Variants in RRM2B observed in about 807,000 individuals in gnomAD.
The protein encoded by RRM2B is ribonucleotide reductase regulatory TP53 inducible subunit M2B, also known as ribonucleoside-diphosphate reductase subunit M2 B.
A neutral mutation model predicts 45.9 loss-of-function variants in RRM2B; 20 were observed. The observed-to-expected ratio is 0.44, with a 90% CI of 0.31 to 0.63. The LOEUF is 0.63. RRM2B is among the 30% of genes least tolerant of loss of function. The pLI is 0.09. For synonymous variants in RRM2B, 124 were observed against 132.3 expected (o/e 0.94, Z 0.43); for missense variants, 320 against 414.7 (o/e 0.77, Z 1.98).
Position 102,225,020 on chromosome 8 carries a change from TAAG to T in RRM2B, c.322-5_322-3del. On this transcript the variant is annotated splice_polypyrimidine_tract_variant and splice_region_variant and intron_variant, in intron 3 of 8. Coordinates refer to ENST00000251810, the MANE Select transcript of RRM2B (RefSeq NM_015713.5). ...CACCTCCTGACTAAAGCGCTCCACC[TAAG>T]AAGATAAGGAAAATAGATATATCCA... 1.2e-6 allele frequency: 2 copies of T among 1,613,916 alleles called. No homozygotes were observed. The highest frequency in any genetic ancestry group is 1.1e-5 in the South Asian group (1 of 91,072).
chr8:102,224,574 C>T (rs1279594271), intron 4 of RRM2B, among the ~76,000 whole-genome samples: 2 of 152,232 alleles, frequency 1.3e-5, no homozygotes, highest in African/African-American at 4.8e-5. Flanking sequence ...TTTTACATGT[C>T]CATAGAACAG....
intron 6 of RRM2B, among the ~76,000 whole-genome samples, chr8:102,218,296 G>C (rs905122520): frequency 6.6e-6 from 1 of 152,170 alleles, no homozygotes; most frequent in Non-Finnish European, 1.5e-5. Context: ...TATTAAGAAT[G>C]ACCAGGAGAC....
At chr8:102,222,009 AG>A (rs1285820724) in intron 5 of RRM2B, among the ~76,000 whole-genome samples, 1 of 152,046 alleles carries the variant, frequency 6.6e-6, no homozygotes, top group Non-Finnish European at 1.5e-5. Flanking sequence ...GATTCTTAAA[AG>A]TTTTTCCACA....
At chr8:102,224,167 A>G (rs1472351153) in intron 4 of RRM2B, 27 bp from the exon 5 acceptor site, 1 of 1,433,824 alleles carries the variant, frequency 7.0e-7, no homozygotes, top group East Asian at 2.3e-5. Context: ...ATGAACAGCA[A>G]AGTTATTCAC....
At position 102,224,988 on chromosome 8, in the gene RRM2B, G is replaced by A. The variant is rs1262428013; in HGVS notation, c.352C>T (p.Pro118Ser). The part of the protein sequence containing the change: ...VERFSQEVQV[P>S]EARCFYGFQI... ...AAGCCATAGAAACAGCGAGCCTCTG[G>A]AACCTGCACCTCCTGACTAAAGCGC... The change falls in exon 4 of 9, where the codon CCA becomes TCA. Residue 118 changes from proline (P) to serine (S), a missense_variant. By Grantham distance (74) the Pro-to-Ser change is moderately conservative. Around this residue, in one of 3 missense-constraint regions of RRM2B, gnomAD observed 225 missense variants for 289.4 expected, o/e 0.78. Transcript: ENST00000251810. The A allele has an allele frequency of 1.9e-6, 3 of 1,614,066 alleles. No homozygotes were observed. The East Asian group carries it at 6.7e-5, about 36-fold the overall frequency.
At chr8:102,224,458 G>A (rs1037174895) in intron 4 of RRM2B, among the ~76,000 whole-genome samples, 2 of 150,140 alleles carry the variant, frequency 1.3e-5, no homozygotes, top group African/African-American at 4.9e-5. Flanking sequence ...ACAGCCATGA[G>A]CCACCATGCC....
intron 5 of RRM2B, among the ~76,000 whole-genome samples, chr8:102,219,313 T>C (rs937004133): frequency 1.3e-5 from 2 of 152,072 alleles, no homozygotes; most frequent in African/African-American, 4.8e-5. Flanking sequence ...TACTGGAGAG[T>C]AGAAGGTAGA....
At chr8:102,214,202 G>T (rs1304931043) in intron 6 of RRM2B, 44 bp from the exon 7 acceptor site, 1 of 1,330,452 alleles carries the variant, frequency 7.5e-7, no homozygotes, top group South Asian at 1.2e-5. Flanking sequence ...CTTTTAATCA[G>T]CTATTTGCAT....
intron 2 of RRM2B, among the ~76,000 whole-genome samples, chr8:102,228,006 G>A (rs1009916824): frequency 2.0e-5 from 3 of 152,234 alleles, no homozygotes; most frequent in Admixed American, 6.5e-5. Flanking sequence ...GGTCCCCAGC[G>A]AGGACTCCAC....
chr8:102,226,319 CATTTT>C (rs1029839513), intron 2 of RRM2B, among the ~76,000 whole-genome samples: 1 of 148,614 alleles, frequency 6.7e-6, no homozygotes, highest in Non-Finnish European at 1.5e-5. Context: ...AATGGGTAAC[CATTTT>C]ATTATATATA....
chr8:102,228,421 T>C (rs1417456657), intron 2 of RRM2B, among the ~76,000 whole-genome samples: 2 of 152,212 alleles, frequency 1.3e-5, no homozygotes, highest in Non-Finnish European at 2.9e-5. Flanking sequence ...TTTTCCTGGA[T>C]GCTGAACAAG....
At chr8:102,210,956 TTTTTA>T (rs1170240394) in intron 8 of RRM2B, among the ~76,000 whole-genome samples, 1 of 152,182 alleles carries the variant, frequency 6.6e-6, no homozygotes, top group Non-Finnish European at 1.5e-5. Flanking sequence ...TTTCAATTAA[TTTTTA>T]TTTTCATTTT....
At chr8:102,237,146 G>A (rs1177467603) in intron 1 of RRM2B, among the ~76,000 whole-genome samples, 3 of 152,168 alleles carry the variant, frequency 2.0e-5, no homozygotes. Flanking sequence ...TGAGTCCTGG[G>A]CATGCCATTT....
At chr8:102,225,770 A>C in intron 3 of RRM2B, 148 bp downstream of exon 3, 2 of 666,620 alleles carry the variant, frequency 3.0e-6, no homozygotes, top group South Asian at 1.6e-5. Context: ...AAGGATAAGC[A>C]ATTCATCAGA....
chr8:102,228,206 C>T (rs146004128), intron 2 of RRM2B, among the ~76,000 whole-genome samples: 10 of 152,240 alleles, frequency 6.6e-5, no homozygotes, highest in East Asian at 1.9e-4. Flanking sequence ...GGTTGGATGT[C>T]GGAGAGAAGC....
rs746431021 is a variant in RRM2B, at chr8:102,224,913, C to G, written c.427G>C (p.Asp143His). The G allele has an allele frequency of 3.7e-6, 6 of 1,613,676 alleles. No individual in the cohort carries two copies. In the East Asian group the frequency reaches 1.1e-4, roughly 30 times the overall value. Residue 143 changes from aspartate (D) to histidine (H), a missense_variant, in exon 4 of 9, where the codon GAC becomes CAC. Asp to His is a moderately conservative substitution (Grantham distance 81). This residue lies in a region of RRM2B where 225 missense variants were observed against 289.4 expected (regional missense o/e 0.78). Coordinates refer to ENST00000251810, the MANE Select transcript of RRM2B (RefSeq NM_015713.5). ...VHSEMYSLLIDTYIRDPKKRE... is the reference protein window; with the variant it reads ...VHSEMYSLLIHTYIRDPKKRE... ...TTCTTGGGATCTCTGATGTAAGTGT[C>G]TATCAGCAAACTGTACATCTCTGAG...
intron 7 of RRM2B, among the ~76,000 whole-genome samples, chr8:102,213,306 G>A (rs1810666887): frequency 1.3e-5 from 2 of 152,028 alleles, no homozygotes; most frequent in South Asian, 4.2e-4. Context: ...AAGAAAATGA[G>A]AAAAAAGAAA....
At chr8:102,234,433 GCA>G (rs1242107650) in intron 1 of RRM2B, among the ~76,000 whole-genome samples, 1 of 151,946 alleles carries the variant, frequency 6.6e-6, no homozygotes, top group Non-Finnish European at 1.5e-5. Context: ...TTAGAAACGT[GCA>G]CAAACATACA....
intron 5 of RRM2B, among the ~76,000 whole-genome samples, chr8:102,220,218 A>T (rs1810806852): frequency 6.6e-6 from 1 of 152,162 alleles, no homozygotes; most frequent in Non-Finnish European, 1.5e-5. Context: ...CAGCTGGGCG[A>T]CAGAGTGAGC....
Sources: gnomAD v4.1 joint callset for allele counts (sites outside exome capture counted in the v4.1 genomes callset) on GRCh38, gnomAD v4.1.1 for gene constraint, gnomAD v4.1.1 regional missense constraint, MANE v1.5 for transcripts, NCBI Gene and HGNC (gene_info 2026-07-23, HGNC 2026-07-21) for gene names.